Variants in GRID2 observed in about 807,000 individuals in gnomAD.
GRID2 encodes the protein glutamate ionotropic receptor delta type subunit 2.
In GRID2, 33 loss-of-function variants were observed where a neutral mutation model predicts 114.8. The ratio of observed to expected loss-of-function variants is 0.29; its 90% CI spans 0.22 to 0.38. The LOEUF (loss-of-function observed/expected upper bound fraction) is 0.38. Ranked by LOEUF, GRID2 falls within the 10% of genes least tolerant of loss-of-function variation. The pLI is 1.00. For missense variants in GRID2, 1,184 were observed against 1,257.7 expected (o/e 0.94, Z 0.89); for synonymous variants, 505 against 449.9 (o/e 1.12, Z -1.55).
intron 14 of GRID2, among the ~76,000 whole-genome samples, chr4:93,635,324 CAAAAT>C (rs1391680872): frequency 4.0e-5 from 6 of 150,268 alleles, no homozygotes; most frequent in Non-Finnish European, 8.9e-5. Flanking sequence ...TGAAGAGTCT[CAAAAT>C]AAAAGCAAGA....
At chr4:92,508,635 A>G (rs946445931) in intron 1 of GRID2, among the ~76,000 whole-genome samples, 8 of 151,908 alleles carry the variant, frequency 5.3e-5, no homozygotes, top group African/African-American at 1.9e-4. Context: ...AATGGCAAGA[A>G]GACTTGGTGT....
Position 93,704,370 on chromosome 4 carries a change from G to C in GRID2, c.2361-64840G>C, listed in dbSNP as rs774020166. Among the ~76,000 whole-genome samples, 30 of 151,986 alleles carry C rather than the reference G, an allele frequency of 2.0e-4. 1 individual carries two copies. Among genetic ancestry groups the C allele is most frequent in the Admixed American group, 4.6e-4 (7 of 15,248 alleles). ...TTGTTTTTTTCTTGTAAATTTGTTT[G>C]AGTTCATTGTAGAGTCTTGATATTA... On this transcript the variant is annotated intron_variant, in intron 14 of 15. Transcript: ENST00000282020.
chr4:93,562,025 A>T (rs960430531), intron 13 of GRID2, among the ~76,000 whole-genome samples: 4 of 151,960 alleles, frequency 2.6e-5, no homozygotes, highest in African/African-American at 9.7e-5. Context: ...CGAGTTTTCA[A>T]CTCCTCTGGG....
intron 2 of GRID2, among the ~76,000 whole-genome samples, chr4:92,786,186 T>G (rs1009508550): frequency 7.2e-5 from 11 of 151,924 alleles, no homozygotes; most frequent in Non-Finnish European, 1.5e-4. Flanking sequence ...AAGTATCTGT[T>G]GGCTTCCTGT....
intron 12 of GRID2, among the ~76,000 whole-genome samples, chr4:93,502,803 T>C (rs1407422602): frequency 6.7e-6 from 1 of 150,138 alleles, no homozygotes; most frequent in Non-Finnish European, 1.5e-5. Flanking sequence ...AGAGGGATGA[T>C]GCTAAATAAG....
At chr4:93,517,520 T>C (rs1729854242) in intron 13 of GRID2, among the ~76,000 whole-genome samples, 1 of 152,040 alleles carries the variant, frequency 6.6e-6, no homozygotes. Flanking sequence ...TACTATATAT[T>C]TCTTTCAACC....
At chr4:93,204,554 TAGTAC>T (rs1379317596) in intron 4 of GRID2, among the ~76,000 whole-genome samples, 1 of 152,164 alleles carries the variant, frequency 6.6e-6, no homozygotes, top group Non-Finnish European at 1.5e-5. Flanking sequence ...CAACAGAGGA[TAGTAC>T]AGTGAGTAGA....
intron 6 of GRID2, 36 bp downstream of exon 6, chr4:93,216,947 G>A: frequency 6.9e-7 from 1 of 1,452,710 alleles, no homozygotes; most frequent in East Asian, 2.3e-5. Flanking sequence ...CTTCCAGGGT[G>A]CTTTGTTGGG....
At chr4:93,133,339 A>G (rs1734969322) in intron 4 of GRID2, among the ~76,000 whole-genome samples, 2 of 152,192 alleles carry the variant, frequency 1.3e-5, no homozygotes, top group South Asian at 2.1e-4. Context: ...AATCATTTTG[A>G]TAACACTGCT....
chr4:93,110,667 T>C (rs1017675124), intron 3 of GRID2, 81 bp from the exon 4 acceptor site: 2 of 910,942 alleles, frequency 2.2e-6, no homozygotes, highest in Non-Finnish European at 3.6e-6. Flanking sequence ...CAATAATCTA[T>C]TCTGATATAG....
At chr4:93,353,165 C>T (rs777797889) in intron 8 of GRID2, among the ~76,000 whole-genome samples, 2 of 151,888 alleles carry the variant, frequency 1.3e-5, no homozygotes, top group African/African-American at 4.8e-5. Flanking sequence ...TAGTAGTGAG[C>T]GTGGACTTCC....
chr4:93,116,873 C>A (rs1319324315), intron 4 of GRID2, among the ~76,000 whole-genome samples: 1 of 151,702 alleles, frequency 6.6e-6, no homozygotes, highest in Non-Finnish European at 1.5e-5. Context: ...AAATAAAGTG[C>A]CTTTAAATAG....
Position 92,514,948 on chromosome 4 carries a change from TTTC to T in GRID2, c.89-75174_89-75172del, listed in dbSNP as rs1196627047. Reference sequence around the variant, plus strand: ...TGTGGCTCAGTATGTGTATAAAGTATTTCTTCTTCTTACCTTTTTGCAATTGCC... The same window carrying T: ...TGTGGCTCAGTATGTGTATAAAGTATTTCTTCTTACCTTTTTGCAATTGCC... On this transcript the variant is annotated intron_variant, in intron 1 of 15. Transcript: ENST00000282020. Among the ~76,000 whole-genome samples, 5 of 151,968 alleles carry T rather than the reference TTTC, an allele frequency of 3.3e-5. No individual in the cohort carries two copies. In the East Asian group the frequency reaches 9.8e-4, roughly 30 times the overall value.
In GRID2 at chr4:92,420,510, T is replaced by C. The variant is rs553448002; in HGVS notation, c.88+115766T>C. Reference sequence around the variant, plus strand: ...CATGCTTGTGTTATAAGACAAATCATATTTTTGTTGTTTACAAGGTTTGTT... The same window carrying C: ...CATGCTTGTGTTATAAGACAAATCACATTTTTGTTGTTTACAAGGTTTGTT... On this transcript the variant is annotated intron_variant, in intron 1 of 15. Coordinates refer to ENST00000282020, the MANE Select transcript of GRID2 (RefSeq NM_001510.4). 3.3e-5 allele frequency among the ~76,000 whole-genome samples: 5 copies of C among 152,284 alleles called. No homozygotes were observed. The South Asian group carries it at 1.0e-3, about 32-fold the overall frequency.
chr4:93,553,373 GT>G (rs1265851111), intron 13 of GRID2, among the ~76,000 whole-genome samples: 1 of 152,026 alleles, frequency 6.6e-6, no homozygotes, highest in Non-Finnish European at 1.5e-5. Flanking sequence ...GATTAACTGT[GT>G]TTTTTTATGG....
At chr4:93,420,450 G>T (rs1430321867) in intron 9 of GRID2, among the ~76,000 whole-genome samples, 1 of 152,060 alleles carries the variant, frequency 6.6e-6, no homozygotes, top group African/African-American at 2.4e-5. Context: ...TGCCAATTGT[G>T]TAAAGTTTTA....
intron 1 of GRID2, among the ~76,000 whole-genome samples, chr4:92,582,267 C>A (rs768123809): frequency 7.9e-5 from 12 of 151,880 alleles, no homozygotes; most frequent in Non-Finnish European, 1.6e-4. Context: ...TAAGCAACAA[C>A]AACAACAAAA....
At chr4:92,973,744 A>G (rs1466807914) in intron 2 of GRID2, among the ~76,000 whole-genome samples, 3 of 152,192 alleles carry the variant, frequency 2.0e-5, no homozygotes, top group Non-Finnish European at 4.4e-5. Context: ...AATGATACTT[A>G]TTAGTAATTA....
chr4:93,208,854 G>T (rs887340270), intron 5 of GRID2, among the ~76,000 whole-genome samples: 2 of 151,892 alleles, frequency 1.3e-5, no homozygotes, highest in Admixed American at 1.3e-4. Flanking sequence ...TACCTTCTAA[G>T]TTTCTAGTAT....
Sources: allele counts gnomAD v4.1 joint callset (sites outside exome capture counted in the v4.1 genomes callset), GRCh38; gene constraint gnomAD v4.1.1; transcripts MANE v1.5; gene names NCBI Gene and HGNC (gene_info 2026-07-23, HGNC 2026-07-21).